The following HMGB3 variants were observed in gnomAD, a reference collection of about 807,000 sequenced individuals.
HMGB3 encodes the protein high mobility group protein B3.
Under a neutral mutation model 12.9 loss-of-function variants are expected in HMGB3, and 1 was observed. That is an observed-to-expected ratio of 0.08 (90% CI 0.03 to 0.37). HMGB3 has a LOEUF of 0.37. Ranked by LOEUF, HMGB3 falls within the 10% of genes least tolerant of loss-of-function variation. The pLI, the probability that HMGB3 is intolerant of heterozygous loss-of-function variation, is 0.99. For missense variants in HMGB3, 74 were observed against 153.3 expected, an observed-to-expected ratio of 0.48 and a Z score of 2.73; for synonymous variants, 61 against 53.9, an observed-to-expected ratio of 1.13 and a Z score of -0.57.
Position 150,984,322 on chromosome X carries a change from CGGGCG to C in HMGB3, c.-6+965_-6+969del, listed in dbSNP as rs1257232474. 1.1e-3 allele frequency among the ~76,000 whole-genome samples: 71 copies of C among 62,026 alleles called. 1 individual carries two copies. The highest frequency in any genetic ancestry group is 2.4e-3 in the African/African-American group (42 of 17,396). 53.9% of individuals were successfully genotyped at this position (62,026 alleles called of 115,157 possible). A position where few individuals can be genotyped will look rare whatever the true frequency, so the allele number is the denominator to read the frequency against. ...CGGGCCCCCGAGCCCCCGGGCGGCCCGGGCGGGGCGGGGCGGGGCGGGGTGGGGGC... is the reference window on the plus strand; with the variant it reads ...CGGGCCCCCGAGCCCCCGGGCGGCCCGGGCGGGGCGGGGCGGGGTGGGGGC... On this transcript the variant is annotated intron_variant, in intron 1 of 4. Transcript: ENST00000325307.
Position 150,988,296 on chromosome X carries a change from C to T in HMGB3, c.*382C>T, listed in dbSNP as rs1557425308. The T allele has an allele frequency of 7.5e-6, 1 of 132,571 alleles. No homozygotes were observed. The highest frequency in any genetic ancestry group is 3.1e-5 in the African/African-American group (1 of 31,820). The allele number at this position is 132,571 out of a possible 1,213,427, so 10.9% of individuals were successfully genotyped here. ...TTATTGGCTAGAAATCCTGAGTTTT[C>T]AACTGTATATATCTATAGTTTGTAA... On this transcript the variant is annotated 3_prime_UTR_variant, in exon 5 of 5. Coordinates refer to ENST00000325307, the MANE Select transcript of HMGB3 (RefSeq NM_005342.4).
At chrX:150,980,695 A>C (rs1249094615), upstream of HMGB3, 1 of 576,276 alleles carries the variant, frequency 1.7e-6, no homozygotes, top group Admixed American at 8.7e-5. Context: ...GCAGTGGGGC[A>C]GGGAAGCATG....
chrX:150,983,398 CCCGCCGCCGCCG>C (rs782215936), intron 1 of HMGB3, 22 bp downstream of exon 1: 9,142 of 695,245 alleles, frequency 0.013, 91 homozygotes, highest in African/African-American at 0.062. Context: ...ACCGCCCGCT[CCCGCCGCCGCCG>C]CCGCCGCCGC....
In HMGB3 at chrX:150,983,601, C is replaced by A. The variant is rs1428084755; in HGVS notation, c.-6+225C>A. On this transcript the variant is annotated intron_variant, in intron 1 of 4. Transcript: ENST00000325307. ...GGAAGAAGCAATTCAGGTGTTTCAA[C>A]TTTTCCAACGCGTTCCCCGAGCTCC... 3 of 749,912 alleles carry A rather than the reference C, an allele frequency of 4.0e-6. No homozygotes were observed. The African/African-American group carries it at 7.0e-5, about 17-fold the overall frequency. The allele number at this position is 749,912 out of a possible 1,213,427, so 61.8% of individuals were successfully genotyped here.
chrX:150,984,530 C>T, intron 1 of HMGB3: 12 of 620,482 alleles, frequency 1.9e-5, no homozygotes, highest in Non-Finnish European at 2.3e-5. Flanking sequence ...CGCACCGCCA[C>T]CGCCGCCGCC....
rs2048098510 is a variant in HMGB3, at chrX:150,990,204, ATC to A, written c.*2293_*2294del. ...GTGATTTGTTAAGTGGTGCGCGTCT[ATC>A]TCATAACTAGATGTACCAACCAGGG... On this transcript the variant is annotated 3_prime_UTR_variant, in exon 5 of 5. Coordinates refer to ENST00000325307, the MANE Select transcript of HMGB3 (RefSeq NM_005342.4). 8.9e-6 allele frequency: 1 copy of A among 112,264 alleles called. No homozygotes were observed. Among genetic ancestry groups the A allele is most frequent in the Admixed American group, 9.5e-5 (1 of 10,532 alleles). 9.3% of individuals were successfully genotyped at this position (112,264 alleles called of 1,213,427 possible). A position where few individuals can be genotyped will look rare whatever the true frequency, so the allele number is the denominator to read the frequency against.
rs1172864748 is a variant in HMGB3 at position 150,984,320 on chromosome X, C to T, written c.-6+944C>T. ...CCCGGGCCCCCGAGCCCCCGGGCGG[C>T]CCGGGCGGGGCGGGGCGGGGCGGGG... is the stretch of plus-strand genomic sequence containing the variant. On this transcript the variant is annotated intron_variant, in intron 1 of 4. Transcript: ENST00000325307. Among the ~76,000 whole-genome samples the T allele has an allele frequency of 8.7e-5, 8 of 91,477 alleles. No individual in the cohort carries two copies. The East Asian group carries it at 2.9e-3, about 33-fold the overall frequency. 79.4% of individuals were successfully genotyped at this position (91,477 alleles called of 115,157 possible).
Position 150,987,914 on chromosome X carries a change from A to G in HMGB3, c.603A>G (p.Ter201=). The stretch of plus-strand genomic sequence containing the variant: ...AGGAGGAGGAGGAGGAGGATGAATA[A>G]AGAAACTGTTTATCTGTCTCCTTGT... ...EEEEEEEEDE[*] is the part of the protein sequence containing the mutation. The change falls in exon 5 of 5, where the codon TAA becomes TAG. Residue 201 remains the stop codon, a stop_retained_variant. Coordinates refer to ENST00000325307, the MANE Select transcript of HMGB3 (RefSeq NM_005342.4). The G allele has an allele frequency of 8.4e-7, 1 of 1,192,130 alleles. No individual in the cohort carries two copies. The highest frequency in any genetic ancestry group is 1.1e-6 in the Non-Finnish European group (1 of 890,075).
At chrX:150,984,298 G>A (rs1195956972) in intron 1 of HMGB3, among the ~76,000 whole-genome samples, 2 of 92,982 alleles carry the variant, frequency 2.2e-5, no homozygotes, top group Non-Finnish European at 4.4e-5. Flanking sequence ...GGTCCGGCCC[G>A]GGCCCCCGAG....
chrX:150,988,063 A>G lies in HMGB3; in HGVS notation c.*149A>G. 1.3e-6 allele frequency: 1 copy of G among 744,580 alleles called. No homozygotes were observed. Among genetic ancestry groups the G allele is most frequent in the Non-Finnish European group, 1.9e-6 (1 of 524,378 alleles). The allele number at this position is 744,580 out of a possible 1,213,427, so 61.4% of individuals were successfully genotyped here. ...ATATTGTAGTCTCTCAAAGTGCTCT[A>G]GAAATTGTCAGTGGTTTACATGAAG... On this transcript the variant is annotated 3_prime_UTR_variant, in exon 5 of 5. Transcript: ENST00000325307.
At chrX:150,987,440 G>T (rs1424293733) in intron 4 of HMGB3, 138 bp downstream of exon 4, 12 of 490,788 alleles carry the variant, frequency 2.4e-5, no homozygotes, top group Non-Finnish European at 3.5e-5. Context: ...AGGTAGCTAC[G>T]GGTGCTGGTG....
chrX:150,984,105 AGGCGGGCGGAGC>A (rs2048021456), intron 1 of HMGB3, among the ~76,000 whole-genome samples: 1 of 96,409 alleles, frequency 1.0e-5, no homozygotes, highest in Non-Finnish European at 2.1e-5. Flanking sequence ...AGGGCAGGGG[AGGCGGGCGGAGC>A]GGTCGGCGGG....
upstream of HMGB3, among the ~76,000 whole-genome samples, chrX:150,982,796 G>A (rs1328571931): frequency 3.5e-5 from 4 of 113,136 alleles, no homozygotes; most frequent in Non-Finnish European, 7.5e-5. Flanking sequence ...GCTGCCCTCC[G>A]CCAGGCATCG....
At chrX:150,985,551 CT>C in intron 1 of HMGB3, 43 bp from the exon 2 acceptor site, 1 of 1,087,039 alleles carries the variant, frequency 9.2e-7, no homozygotes, top group Non-Finnish European at 1.2e-6. Context: ...TCAATTCCTC[CT>C]TGCTTTTCCT....
At chrX:150,981,174 T>G (rs1053505947), upstream of HMGB3, among the ~76,000 whole-genome samples, 14 of 109,746 alleles carry the variant, frequency 1.3e-4, no homozygotes, top group African/African-American at 4.6e-4. Context: ...GCTGTCTGTC[T>G]GGAGAAAAGG....
intron 1 of HMGB3, among the ~76,000 whole-genome samples, chrX:150,984,265 C>T (rs2048024512): frequency 1.1e-5 from 1 of 91,564 alleles, no homozygotes; most frequent in African/African-American, 3.9e-5. Flanking sequence ...CCGAGGAGTG[C>T]GCCCCGCGCC....
At chrX:150,980,624 G>T, upstream of HMGB3, 1 of 748,103 alleles carries the variant, frequency 1.3e-6, no homozygotes. Context: ...GCGCGTAAGC[G>T]CAATCCTTTC....
At chrX:150,985,188 C>T (rs1337567052) in intron 1 of HMGB3, among the ~76,000 whole-genome samples, 3 of 111,736 alleles carry the variant, frequency 2.7e-5, no homozygotes, top group Non-Finnish European at 5.6e-5. Context: ...TAGCAGATGA[C>T]CAGATAGTCT....
rs1182629254 is a variant in HMGB3, at chrX:150,988,327, A to C, written c.*413A>C. On this transcript the variant is annotated 3_prime_UTR_variant, in exon 5 of 5. Coordinates refer to ENST00000325307, the MANE Select transcript of HMGB3 (RefSeq NM_005342.4). ...TATATATCTATAGTTTGTAAAAAGA[A>C]CAAAACAACCGAGACAAACCCTTGA... is the stretch of plus-strand genomic sequence containing the variant. 4 of 116,772 alleles carry C rather than the reference A, an allele frequency of 3.4e-5. No homozygotes were observed. The highest frequency in any genetic ancestry group is 7.1e-5 in the Non-Finnish European group (4 of 56,187). The allele number at this position is 116,772 out of a possible 1,213,427, so 9.6% of individuals were successfully genotyped here. A position where few individuals can be genotyped will look rare whatever the true frequency, so the allele number is the denominator to read the frequency against.
Sources: gnomAD v4.1 joint callset for allele counts (sites outside exome capture counted in the v4.1 genomes callset) on GRCh38, gnomAD v4.1.1 for gene constraint, MANE v1.5 for transcripts, NCBI Gene and HGNC (gene_info 2026-07-23, HGNC 2026-07-21) for gene names.